The following CYP1B1 variants were observed in gnomAD, a reference collection of about 807,000 sequenced individuals.
CYP1B1 encodes cytochrome P450 family 1 subfamily B member 1.
In CYP1B1, 22 loss-of-function variants were observed where a neutral mutation model predicts 29.9. The ratio of observed to expected loss-of-function variants is 0.74; its 90% CI spans 0.53 to 1.05. The LOEUF is 1.05. Among genes scored for constraint, CYP1B1 ranks in the 50% least tolerant of loss-of-function variants. The pLI is 0.00. For missense variants in CYP1B1, 883 were observed against 746.9 expected (o/e 1.18, Z -2.12); for synonymous variants, 375 against 320.0 (o/e 1.17, Z -1.83).
At chr2:38,072,597 G>T (rs1682451984) in intron 2 of CYP1B1, among the ~76,000 whole-genome samples, 1 of 152,198 alleles carries the variant, frequency 6.6e-6, no homozygotes, top group African/African-American at 2.4e-5. Flanking sequence ...GAAAAAAAAT[G>T]TATACACGTA....
rs767718670 is a variant in CYP1B1 at position 38,070,332 on chromosome 2, C to A, written c.*390G>T. The A allele has an allele frequency of 3.2e-6, 1 of 307,858 alleles. No individual in the cohort carries two copies. The highest frequency in any genetic ancestry group is 6.1e-6 in the Non-Finnish European group (1 of 163,938). 19.1% of individuals were successfully genotyped at this position (307,858 alleles called of 1,614,324 possible). On this transcript the variant is annotated 3_prime_UTR_variant, in exon 3 of 3. Transcript: ENST00000610745. ...CTATTTCTGCATATGGGAGACCAAT[C>A]TTGGATTCCCACCAAAAATGGCCTG...
rs547421439 is a variant in CYP1B1 at position 38,069,190 on chromosome 2, G to A, written c.*1532C>T. The A allele has an allele frequency of 4.4e-6, 1 of 225,450 alleles. No individual in the cohort carries two copies. The highest frequency in any genetic ancestry group is 1.8e-4 in the South Asian group (1 of 5,464). The allele number at this position is 225,450 out of a possible 1,614,324, so 14.0% of individuals were successfully genotyped here. On this transcript the variant is annotated 3_prime_UTR_variant, in exon 3 of 3. Coordinates refer to ENST00000610745, the MANE Select transcript of CYP1B1 (RefSeq NM_000104.4). ...AAACACAACTGACCTCATCTCCACT[G>A]TCTTTTCCAAACAGCTTCCAAGACT... is the stretch of plus-strand genomic sequence containing the variant.
In CYP1B1 at chr2:38,067,531, G is replaced by C. The variant is rs1163373257; in HGVS notation, c.*3191C>G. The C allele has an allele frequency of 1.2e-5, 2 of 166,040 alleles. No homozygotes were observed. Among genetic ancestry groups the C allele is most frequent in the African/African-American group, 4.8e-5 (2 of 41,864 alleles). The allele number at this position is 166,040 out of a possible 1,614,324, so 10.3% of individuals were successfully genotyped here. On this transcript the variant is annotated 3_prime_UTR_variant, in exon 3 of 3. Transcript: ENST00000610745. ...ATGTTTACAGTGCAATATTTTAATT[G>C]AATAATCCATAGTAATAGTTGAAAT...
chr2:38,070,949 G>T lies in CYP1B1; in HGVS notation c.1405C>A (p.Arg469=). 1 of 1,614,126 alleles carries T rather than the reference G, an allele frequency of 6.2e-7. No individual in the cohort carries two copies. The highest frequency in any genetic ancestry group is 8.5e-7 in the Non-Finnish European group (1 of 1,180,024). The change falls in exon 3 of 3, where the codon CGG becomes AGG. Residue 469 remains arginine, a synonymous_variant. Coordinates refer to ENST00000610745, the MANE Select transcript of CYP1B1 (RefSeq NM_000104.4). ...RVMIFSVGKR[R]CIGEELSKMQ... is the part of the protein sequence containing the mutation. ...TTAGAAAGTTCTTCGCCAATGCACC[G>T]CCTTTTGCCCACTGAAAAAATCATC...
Position 38,074,839 on chromosome 2 carries a change from C to A in CYP1B1, c.550G>T (p.Gly184Cys), listed in dbSNP as rs751918606. The change falls in exon 2 of 3, where the codon GGC becomes TGC. Residue 184 changes from glycine (G) to cysteine (C), a missense_variant. Coordinates refer to ENST00000610745, the MANE Select transcript of CYP1B1 (RefSeq NM_000104.4). Reference protein sequence around the residue: ...ARELVALLVRGSADGAFLDPR... With the variant: ...ARELVALLVRCSADGAFLDPR... ...TCGAGGAAGGCGCCGTCCGCGCTGC[C>A]GCGCACCAGCAGCGCCACCAGCTCG... 5.1e-6 allele frequency: 8 copies of A among 1,565,082 alleles called. No homozygotes were observed. The highest frequency in any genetic ancestry group is 1.4e-5 in the African/African-American group (1 of 73,794).
Position 38,068,983 on chromosome 2 carries a change from C to T in CYP1B1, c.*1739G>A. ...TTTTTAAAATTTTGGTACAAAGATT[C>T]CAAAAAGCTTAATAAAATGTAATAA... On this transcript the variant is annotated 3_prime_UTR_variant, in exon 3 of 3. Coordinates refer to ENST00000610745, the MANE Select transcript of CYP1B1 (RefSeq NM_000104.4). The T allele has an allele frequency of 4.5e-6, 1 of 221,826 alleles. No homozygotes were observed. The highest frequency in any genetic ancestry group is 2.2e-5 in the African/African-American group (1 of 44,756). The allele number at this position is 221,826 out of a possible 1,614,324, so 13.7% of individuals were successfully genotyped here.
At chr2:38,075,445 G>T in intron 1 of CYP1B1, 56 bp from the exon 2 acceptor site, 1 of 1,547,496 alleles carries the variant, frequency 6.5e-7, no homozygotes. Context: ...AGGAGCGGGC[G>T]CCCCACGCCC....
chr2:38,072,519 G>A lies in CYP1B1; in HGVS notation c.1044-1209C>T, dbSNP rs546727581. Among the ~76,000 whole-genome samples the A allele has an allele frequency of 3.9e-5, 6 of 152,162 alleles. No individual in the cohort carries two copies. In the East Asian group the frequency reaches 1.2e-3, roughly 29 times the overall value. ...TACCAAAATAAATATTAAAAGATTAGAAATGTCCACTACCTTGAGTCAAAG... is the reference window on the plus strand; with the variant it reads ...TACCAAAATAAATATTAAAAGATTAAAAATGTCCACTACCTTGAGTCAAAG... On this transcript the variant is annotated intron_variant, in intron 2 of 2. Transcript: ENST00000610745.
At chr2:38,074,089 T>TG (rs1682479161) in intron 2 of CYP1B1, among the ~76,000 whole-genome samples, 1 of 151,998 alleles carries the variant, frequency 6.6e-6, no homozygotes, top group African/African-American at 2.4e-5. Flanking sequence ...AAATGTGTTC[T>TG]CACTCGCAAG....
rs1357141706 is a variant in CYP1B1, at chr2:38,074,571, A to T, written c.818T>A (p.Leu273Gln). ...QLNRNFSNFI[L>Q]DKFLRHCESL... ...TTCGCAGTGCCTCAAGAACTTGTCC[A>T]GGATGAAGTTGCTGAAGTTGCGGTT... Residue 273 changes from leucine (L) to glutamine (Q), a missense_variant, in exon 2 of 3, where the codon CTG (leucine) becomes CAG (glutamine). Physicochemically the swap from Leu to Gln is moderately radical, Grantham distance 113. Transcript: ENST00000610745. The T allele has an allele frequency of 6.2e-7, 1 of 1,611,268 alleles. No individual in the cohort carries two copies. The highest frequency in any genetic ancestry group is 1.1e-5 in the South Asian group (1 of 90,496).
In CYP1B1 at chr2:38,068,986, A is replaced by G. The variant is rs1232358293; in HGVS notation, c.*1736T>C. The G allele has an allele frequency of 2.6e-5, 6 of 228,538 alleles. No homozygotes were observed. Among genetic ancestry groups the G allele is most frequent in the Non-Finnish European group, 5.2e-5 (6 of 115,154 alleles). 14.2% of individuals were successfully genotyped at this position (228,538 alleles called of 1,614,324 possible). A position where few individuals can be genotyped will look rare whatever the true frequency, so the allele number is the denominator to read the frequency against. On this transcript the variant is annotated 3_prime_UTR_variant, in exon 3 of 3. Coordinates refer to ENST00000610745, the MANE Select transcript of CYP1B1 (RefSeq NM_000104.4). Reference sequence around the variant, plus strand: ...TTAAAATTTTGGTACAAAGATTCCAAAAAGCTTAATAAAATGTAATAAGCA... The same window carrying G: ...TTAAAATTTTGGTACAAAGATTCCAGAAAGCTTAATAAAATGTAATAAGCA...
chr2:38,073,475 G>C (rs1021626560), intron 2 of CYP1B1: 1 of 152,178 alleles, frequency 6.6e-6, no homozygotes, highest in Non-Finnish European at 1.5e-5. Context: ...AGATCAACAA[G>C]GGCTAATCTT....
At position 38,070,612 on chromosome 2, in the gene CYP1B1, T is replaced by G; in HGVS notation, c.*110A>C. 1 of 986,742 alleles carries G rather than the reference T, an allele frequency of 1.0e-6. No individual in the cohort carries two copies. Among genetic ancestry groups the G allele is most frequent in the Non-Finnish European group, 1.6e-6 (1 of 630,430 alleles). 61.1% of individuals were successfully genotyped at this position (986,742 alleles called of 1,614,324 possible). A position where few individuals can be genotyped will look rare whatever the true frequency, so the allele number is the denominator to read the frequency against. ...ATGGACAGTTGATTTATGCTCACCT[T>G]AAACGCTAATTGAGAAGCAGCACAA... On this transcript the variant is annotated 3_prime_UTR_variant, in exon 3 of 3. Transcript: ENST00000610745.
rs377319647 is a variant in CYP1B1 at position 38,075,230 on chromosome 2, G to T, written c.159C>A (p.Gly53=). 1.6e-5 allele frequency: 25 copies of T among 1,587,222 alleles called. No homozygotes were observed. The highest frequency in any genetic ancestry group is 2.1e-5 in the Non-Finnish European group (25 of 1,172,842). Residue 53 remains glycine (G), a synonymous_variant, in exon 2 of 3, where the codon GGC becomes GGA. Coordinates refer to ENST00000610745, the MANE Select transcript of CYP1B1 (RefSeq NM_000104.4). ...RRRQLRSAPP[G]PFAWPLIGNA... ...TTCCGATCAGTGGCCACGCAAACGG[G>T]CCCGGGGGCGCGGACCGGAGCTGCC...
rs142248185 is a variant in CYP1B1, at chr2:38,074,912, C to T, written c.477G>A (p.Gln159=). Residue 159 remains glutamine, a synonymous_variant, in exon 2 of 3, where the codon CAG becomes CAA. Transcript: ENST00000610745. ...HSMMRNFFTR[Q]PRSRQVLEGH... ...CCTCGAGGACTTGGCGGCTGCGCGG[C>T]TGGCGCGTGAAGAAGTTGCGCATCA... 3.9e-6 allele frequency: 6 copies of T among 1,555,798 alleles called. No individual in the cohort carries two copies. The East Asian group carries it at 1.2e-4, about 31-fold the overall frequency.
At position 38,071,227 on chromosome 2, in the gene CYP1B1, G is replaced by C; in HGVS notation, c.1127C>G (p.Pro376Arg). 1.2e-6 allele frequency: 2 copies of C among 1,613,206 alleles called. No individual in the cohort carries two copies. The highest frequency in any genetic ancestry group is 1.7e-6 in the Non-Finnish European group (2 of 1,180,042). ...GAAGGCCAGGACATAGGGCAGGTTG[G>C]GCTGGTCACCCATACAAGGCAGACG... ...RDRLPCMGDQ[P>R]NLPYVLAFLY... Residue 376 changes from proline (P) to arginine (R), a missense_variant, in exon 3 of 3, where the codon CCC becomes CGC. By Grantham distance (103) the Pro-to-Arg change is moderately radical (BLOSUM62 -2). Coordinates refer to ENST00000610745, the MANE Select transcript of CYP1B1 (RefSeq NM_000104.4).
In CYP1B1 at chr2:38,070,641, A is replaced by T; in HGVS notation, c.*81T>A. The T allele has an allele frequency of 8.2e-7, 1 of 1,219,576 alleles. No individual in the cohort carries two copies. The highest frequency in any genetic ancestry group is 1.2e-6 in the Non-Finnish European group (1 of 824,650). The allele number at this position is 1,219,576 out of a possible 1,614,324, so 75.5% of individuals were successfully genotyped here. A position where few individuals can be genotyped will look rare whatever the true frequency, so the allele number is the denominator to read the frequency against. ...CGCTAATTGAGAAGCAGCACAAAAGAGGAACTGGAAAAAAACTGAATTTTA... is the reference window on the plus strand; with the variant it reads ...CGCTAATTGAGAAGCAGCACAAAAGTGGAACTGGAAAAAAACTGAATTTTA... On this transcript the variant is annotated 3_prime_UTR_variant, in exon 3 of 3. Transcript: ENST00000610745.
In CYP1B1 at chr2:38,068,351, A is replaced by G. The variant is rs9309020; in HGVS notation, c.*2371T>C. 3,580 of 226,840 alleles carry G rather than the reference A, an allele frequency of 0.016. 127 individuals are homozygous for G. Among genetic ancestry groups the G allele is most frequent in the African/African-American group, 0.072 (3,263 of 45,044 alleles). The allele number at this position is 226,840 out of a possible 1,614,324, so 14.1% of individuals were successfully genotyped here. A position where few individuals can be genotyped will look rare whatever the true frequency, so the allele number is the denominator to read the frequency against. On this transcript the variant is annotated 3_prime_UTR_variant, in exon 3 of 3. Coordinates refer to ENST00000610745, the MANE Select transcript of CYP1B1 (RefSeq NM_000104.4). ...CTCCAAGCACCTTACTTTCTTCCAT[A>G]TAAACACAGCTTTCCTTTTGCCGCA...
Position 38,068,125 on chromosome 2 carries a change from T to C in CYP1B1, c.*2597A>G, listed in dbSNP as rs746236755. The C allele has an allele frequency of 3.9e-5, 8 of 207,004 alleles. No individual in the cohort carries two copies. The highest frequency in any genetic ancestry group is 6.8e-5 in the African/African-American group (3 of 43,884). The allele number at this position is 207,004 out of a possible 1,614,324, so 12.8% of individuals were successfully genotyped here. ...AGCATTTAATAAACATTATACTTTA[T>C]TGCAATAACCTGGAGTAAAACTTCT... is the stretch of plus-strand genomic sequence containing the variant. On this transcript the variant is annotated 3_prime_UTR_variant, in exon 3 of 3. Transcript: ENST00000610745.
Sources: allele counts gnomAD v4.1 joint callset (sites outside exome capture counted in the v4.1 genomes callset), GRCh38; gene constraint gnomAD v4.1.1; transcripts MANE v1.5; gene names NCBI Gene and HGNC (gene_info 2026-07-23, HGNC 2026-07-21).